Variants in ST14 observed in about 807,000 individuals in gnomAD.
The protein encoded by ST14 is ST14 transmembrane serine protease matriptase.
Under a neutral mutation model 96.5 loss-of-function variants are expected in ST14, and 40 were observed. The ratio of observed to expected loss-of-function variants is 0.41; its 90% CI spans 0.32 to 0.54. ST14 has a LOEUF of 0.54. Ranked by LOEUF, ST14 falls within the 20% of genes least tolerant of loss-of-function variation. The pLI, the probability that ST14 is intolerant of heterozygous loss-of-function variation, is 0.17. For missense variants in ST14, 1,066 were observed against 1,188.9 expected (o/e 0.90, Z 1.52); for synonymous variants, 506 against 492.1 (o/e 1.03, Z -0.37).
intron 1 of ST14, among the ~76,000 whole-genome samples, chr11:130,176,032 C>T (rs1454289605): frequency 2.6e-5 from 4 of 152,158 alleles, no homozygotes; most frequent in Admixed American, 6.5e-5. Flanking sequence ...GTTTCCTGCT[C>T]GTGTAGGGAT....
Position 130,194,200 on chromosome 11 carries a change from G to C in ST14, c.927G>C (p.Gln309His). The C allele has an allele frequency of 6.2e-7, 1 of 1,614,208 alleles. No homozygotes were observed. Among genetic ancestry groups the C allele is most frequent in the Non-Finnish European group, 8.5e-7 (1 of 1,180,038 alleles). ...ACAACCTGACCTTCCACTCCTCCCA[G>C]AACGTCCTGCTCATCACACTGATAA... is the stretch of plus-strand genomic sequence containing the variant. Reference protein sequence around the residue: ...PSYNLTFHSSQNVLLITLITN... With the variant: ...PSYNLTFHSSHNVLLITLITN... Residue 309 changes from glutamine (Q) to histidine (H), a missense_variant, in exon 8 of 19, where the codon CAG becomes CAC. Gln to His is a conservative substitution (Grantham distance 24). Coordinates refer to ENST00000278742, the MANE Select transcript of ST14 (RefSeq NM_021978.4).
intron 7 of ST14, 79 bp from the exon 8 acceptor site, chr11:130,194,070 T>G: frequency 6.2e-7 from 1 of 1,605,288 alleles, no homozygotes; most frequent in Non-Finnish European, 8.5e-7. Flanking sequence ...CAGGCACCTC[T>G]GCCTGAGAGC....
intron 6 of ST14, 86 bp from the exon 7 acceptor site, chr11:130,190,368 G>GGT: frequency 6.3e-7 from 1 of 1,589,078 alleles, no homozygotes. Flanking sequence ...GAGGCCTGAG[G>GGT]TCCACACCCA....
Position 130,159,944 on chromosome 11 carries a change from C to G in ST14, c.-36C>G. 8.0e-7 allele frequency: 1 copy of G among 1,245,198 alleles called. No individual in the cohort carries two copies. The highest frequency in any genetic ancestry group is 1.0e-6 in the Non-Finnish European group (1 of 977,766). 77.1% of individuals were successfully genotyped at this position (1,245,198 alleles called of 1,614,324 possible). On this transcript the variant is annotated 5_prime_UTR_variant, in exon 1 of 19. Coordinates refer to ENST00000278742, the MANE Select transcript of ST14 (RefSeq NM_021978.4). ...CATGGGAGCCGGCCGCCGGCAGGGA[C>G]GACGCCTGTGAGACCCGCGAGCGGC... is the stretch of plus-strand genomic sequence containing the variant.
intron 1 of ST14, among the ~76,000 whole-genome samples, chr11:130,175,779 T>G (rs1482307894): frequency 6.6e-6 from 1 of 152,056 alleles, no homozygotes; most frequent in Non-Finnish European, 1.5e-5. Context: ...TTCTCCTGTC[T>G]CAGCCTCCCG....
chr11:130,165,546 A>G (rs1049805494), intron 1 of ST14, among the ~76,000 whole-genome samples: 4 of 152,144 alleles, frequency 2.6e-5, no homozygotes, highest in African/African-American at 4.8e-5. Context: ...GGACTTAGCA[A>G]TATTTTGGGA....
intron 1 of ST14, among the ~76,000 whole-genome samples, chr11:130,162,103 C>G (rs1953002844): frequency 6.6e-6 from 1 of 152,212 alleles, no homozygotes; most frequent in Non-Finnish European, 1.5e-5. Flanking sequence ...GCCTGGCCCA[C>G]AGGGTGCTGT....
intron 1 of ST14, among the ~76,000 whole-genome samples, chr11:130,168,486 TC>T (rs1953061395): frequency 6.6e-6 from 1 of 152,188 alleles, no homozygotes; most frequent in Non-Finnish European, 1.5e-5. Context: ...CTAGGCTGGT[TC>T]TGTTGCAGTG....
chr11:130,173,934 G>T (rs1021553015), intron 1 of ST14, among the ~76,000 whole-genome samples: 33 of 152,218 alleles, frequency 2.2e-4, no homozygotes, highest in African/African-American at 8.0e-4. Flanking sequence ...CATGCTCTGG[G>T]CCTCAGCTTA....
In ST14 at chr11:130,205,699, G is replaced by GTTTT. The variant is rs34790396; in HGVS notation, c.1995-2703_1995-2700dup. Among the ~76,000 whole-genome samples, 85 of 94,660 alleles carry GTTTT rather than the reference G, an allele frequency of 9.0e-4. 16 individuals carry two copies. The highest frequency in any genetic ancestry group is 1.6e-3 in the African/African-American group (40 of 25,152). 62.1% of individuals were successfully genotyped at this position (94,660 alleles called of 152,430 possible). ...ATGCCCATCATGTTCTTCTTTAGAC[G>GTTTT]TTTTTTTTTTTGTTTTTTTTTTTGA... On this transcript the variant is annotated intron_variant, in intron 16 of 18. Coordinates refer to ENST00000278742, the MANE Select transcript of ST14 (RefSeq NM_021978.4).
In ST14 at chr11:130,196,679, C is replaced by T. The variant is rs755380401; in HGVS notation, c.1333C>T (p.Leu445Phe). Residue 445 changes from leucine to phenylalanine, a missense_variant, in exon 11 of 19, where the codon CTC (leucine) becomes TTC (phenylalanine). Coordinates refer to ENST00000278742, the MANE Select transcript of ST14 (RefSeq NM_021978.4). ...YTDTGFLAEYLSYDSSDPCPG... is the reference protein window; with the variant it reads ...YTDTGFLAEYFSYDSSDPCPG... Reference sequence around the variant, plus strand: ...CGACACCGGCTTCTTAGCTGAATACCTCTCCTACGACTCCAGTGACCGTGA... The same window carrying T: ...CGACACCGGCTTCTTAGCTGAATACTTCTCCTACGACTCCAGTGACCGTGA... The T allele has an allele frequency of 4.3e-6, 7 of 1,614,234 alleles. No individual in the cohort carries two copies. Among genetic ancestry groups the T allele is most frequent in the East Asian group, 2.2e-5 (1 of 44,890 alleles).
chr11:130,196,440 C>A lies in ST14; in HGVS notation c.1215C>A (p.Asn405Lys). 6.2e-7 allele frequency: 1 copy of A among 1,606,766 alleles called. No individual in the cohort carries two copies. Among genetic ancestry groups the A allele is most frequent in the Non-Finnish European group, 8.5e-7 (1 of 1,176,726 alleles). ...GTCPKDYVEI[N>K]GEKYCGERSQ... ...GCCCCAAGGACTACGTGGAGATCAA[C>A]GGGGAGAAGTGAGTCCCCGGGGGTA... The change falls in exon 10 of 19, where the codon AAC becomes AAA. Residue 405 changes from asparagine to lysine, a missense_variant. By Grantham distance (94) the Asn-to-Lys change is moderately conservative. Coordinates refer to ENST00000278742, the MANE Select transcript of ST14 (RefSeq NM_021978.4).
chr11:130,170,170 G>A (rs191769689), intron 1 of ST14, among the ~76,000 whole-genome samples: 41 of 152,292 alleles, frequency 2.7e-4, no homozygotes, highest in Middle Eastern at 3.4e-3. Flanking sequence ...AATGGGGCCT[G>A]AGGACAGTGG....
intron 16 of ST14, among the ~76,000 whole-genome samples, chr11:130,205,694 T>C (rs1198060123): frequency 6.8e-6 from 1 of 146,588 alleles, no homozygotes; most frequent in African/African-American, 2.5e-5. Context: ...TGTTCTTCTT[T>C]AGACGTTTTT....
At chr11:130,190,003 C>A in intron 5 of ST14, 107 bp downstream of exon 5, 1 of 1,610,152 alleles carries the variant, frequency 6.2e-7, no homozygotes, top group Non-Finnish European at 8.5e-7. Flanking sequence ...CCCAGTGCCC[C>A]AGAGAGAAGA....
rs201978792 is a variant in ST14, at chr11:130,194,245, T to A, written c.972T>A (p.His324Gln). 2.8e-5 allele frequency: 45 copies of A among 1,614,090 alleles called. No homozygotes were observed. Among genetic ancestry groups the A allele is most frequent in the Non-Finnish European group, 3.4e-6 (4 of 1,180,050 alleles). Residue 324 changes from histidine to glutamine, a missense_variant, in exon 8 of 19, where the codon CAT becomes CAA. Physicochemically the swap from His to Gln is conservative, Grantham distance 24. Coordinates refer to ENST00000278742, the MANE Select transcript of ST14 (RefSeq NM_021978.4). ...ITLITNTERR[H>Q]PGFEATFFQL... ...TGATAACCAACACTGAGCGGCGGCA[T>A]CCCGGCTTTGAGGCCACCTTCTTCC...
intron 1 of ST14, among the ~76,000 whole-genome samples, chr11:130,169,615 G>A (rs559450597): frequency 6.6e-5 from 10 of 152,152 alleles, no homozygotes; most frequent in Admixed American, 1.3e-4. Context: ...GTGAGTAGCG[G>A]TGAAACGGGA....
intron 16 of ST14, among the ~76,000 whole-genome samples, chr11:130,203,746 G>A (rs918197556): frequency 1.5e-4 from 23 of 152,076 alleles, no homozygotes; most frequent in Non-Finnish European, 3.1e-4. Flanking sequence ...TCCGCCTCCC[G>A]GGTTCAAGCA....
Position 130,188,341 on chromosome 11 carries a change from C to A in ST14, c.241+68C>A. ...TGGCTGTCCCTCTTCCCTCAGCGGA[C>A]AGACCCAGGGCCACCTACTGAGTAC... On this transcript the variant is annotated intron_variant, in intron 2 of 18. Transcript: ENST00000278742. The surrounding 1 kb of genome is among the most constrained non-coding windows in gnomAD (Gnocchi z 5.4). 1 of 1,587,300 alleles carries A rather than the reference C, an allele frequency of 6.3e-7. No individual in the cohort carries two copies. Among genetic ancestry groups the A allele is most frequent in the Non-Finnish European group, 8.6e-7 (1 of 1,165,470 alleles).
Sources: allele counts gnomAD v4.1 joint callset (sites outside exome capture counted in the v4.1 genomes callset), GRCh38; gene constraint gnomAD v4.1.1; non-coding constraint Gnocchi (gnomAD v3.1); transcripts MANE v1.5; gene names NCBI Gene and HGNC (gene_info 2026-07-23, HGNC 2026-07-21).